Variants in GLDN observed in about 807,000 individuals in gnomAD.
GLDN encodes gliomedin, also known as collomin.
In GLDN, 47 loss-of-function variants were observed where a neutral mutation model predicts 56.5. The observed-to-expected ratio is 0.83, with a 90% CI of 0.66 to 1.06. The LOEUF is 1.06. Ranked by LOEUF, GLDN falls within the 50% of genes least tolerant of loss-of-function variation. GLDN has a pLI of 0.00. For missense variants in GLDN, 782 were observed against 714.3 expected (o/e 1.09, Z -1.08); for synonymous variants, 332 against 278.8 (o/e 1.19, Z -1.90).
chr15:51,400,543 T>C, intron 8 of GLDN, 45 bp downstream of exon 8: 1 of 1,589,456 alleles, frequency 6.3e-7, no homozygotes, highest in Non-Finnish European at 8.6e-7. Flanking sequence ...GGTAACTGTA[T>C]TTTTCATCTG....
At chr15:51,401,053 G>A (rs2043362565) in intron 8 of GLDN, among the ~76,000 whole-genome samples, 1 of 152,142 alleles carries the variant, frequency 6.6e-6, no homozygotes, top group South Asian at 2.1e-4. Context: ...TTAAAGGAGG[G>A]GTCTGGCCAT....
chr15:51,396,728 T>A (rs1013461629), intron 5 of GLDN, among the ~76,000 whole-genome samples: 1 of 152,162 alleles, frequency 6.6e-6, no homozygotes, highest in African/African-American at 2.4e-5. Flanking sequence ...CCTGAATCAG[T>A]TGCCCATCCA....
At chr15:51,368,067 T>G (rs2037441405) in intron 1 of GLDN, among the ~76,000 whole-genome samples, 1 of 152,142 alleles carries the variant, frequency 6.6e-6, no homozygotes, top group African/African-American at 2.4e-5. Flanking sequence ...CATGAGAGAT[T>G]TTCAGTTTCT....
chr15:51,349,378 C>A (rs1347139984), intron 1 of GLDN, among the ~76,000 whole-genome samples: 1 of 152,250 alleles, frequency 6.6e-6, no homozygotes, highest in African/African-American at 2.4e-5. Flanking sequence ...GGTCAGCAAA[C>A]TATGGCCTGT....
chr15:51,355,774 T>C (rs555176035), intron 1 of GLDN, among the ~76,000 whole-genome samples: 107 of 149,676 alleles, frequency 7.1e-4, no homozygotes, highest in African/African-American at 2.2e-3. Flanking sequence ...CTGCCCACCT[T>C]GGCCTCCCAA....
intron 1 of GLDN, among the ~76,000 whole-genome samples, chr15:51,373,764 A>G (rs939080079): frequency 1.3e-5 from 2 of 152,214 alleles, no homozygotes; most frequent in Non-Finnish European, 2.9e-5. Flanking sequence ...GCAGGGCCAC[A>G]ACATGGATGG....
chr15:51,349,144 T>C (rs1444738973), intron 1 of GLDN, among the ~76,000 whole-genome samples: 1 of 152,264 alleles, frequency 6.6e-6, no homozygotes, highest in African/African-American at 2.4e-5. Context: ...AACACATTAT[T>C]ATAGCAAACA....
At chr15:51,384,994 A>C (rs1487290081) in intron 4 of GLDN, 1 of 152,102 alleles carries the variant, frequency 6.6e-6, no homozygotes, top group African/African-American at 2.4e-5. Context: ...ATTGTCGAGC[A>C]CCTCTGACAC....
At chr15:51,369,329 A>G (rs990469556) in intron 1 of GLDN, among the ~76,000 whole-genome samples, 6 of 152,240 alleles carry the variant, frequency 3.9e-5, no homozygotes, top group Non-Finnish European at 5.9e-5. Context: ...CAAAGTATTC[A>G]GTTTTCTAAG....
At chr15:51,356,246 G>A (rs1355027960) in intron 1 of GLDN, among the ~76,000 whole-genome samples, 1 of 151,520 alleles carries the variant, frequency 6.6e-6, no homozygotes, top group Non-Finnish European at 1.5e-5. Context: ...TGGGAAGGCA[G>A]CCCAGCAGGT....
intron 1 of GLDN, among the ~76,000 whole-genome samples, chr15:51,349,736 G>C (rs551128581): frequency 6.7e-6 from 1 of 149,174 alleles, no homozygotes; most frequent in African/African-American, 2.5e-5. Flanking sequence ...AACGGCACTA[G>C]GGCTGATTTT....
intron 1 of GLDN, among the ~76,000 whole-genome samples, chr15:51,348,183 G>A (rs539181369): frequency 9.2e-5 from 14 of 152,282 alleles, no homozygotes; most frequent in Middle Eastern, 3.4e-3. Flanking sequence ...GAGCACGGTA[G>A]GGACTGCACC....
chr15:51,399,218 AAC>A (rs1367526175), intron 6 of GLDN, among the ~76,000 whole-genome samples: 1 of 152,178 alleles, frequency 6.6e-6, no homozygotes, highest in Non-Finnish European at 1.5e-5. Context: ...ACTTCAGGGA[AAC>A]ACAGGCTTAT....
At chr15:51,390,189 G>A (rs546331790) in intron 4 of GLDN, among the ~76,000 whole-genome samples, 46 of 152,328 alleles carry the variant, frequency 3.0e-4, no homozygotes, top group African/African-American at 1.1e-3. Context: ...AATGTTATTA[G>A]GAAGATTAAA....
At chr15:51,374,034 C>G (rs1381248106) in intron 1 of GLDN, among the ~76,000 whole-genome samples, 1 of 152,142 alleles carries the variant, frequency 6.6e-6, no homozygotes, top group African/African-American at 2.4e-5. Context: ...CTTATATACA[C>G]AGCCCAATTT....
chr15:51,399,138 G>A (rs985908432), intron 6 of GLDN, among the ~76,000 whole-genome samples: 33 of 152,068 alleles, frequency 2.2e-4, no homozygotes, highest in African/African-American at 7.7e-4. Context: ...TTGAAACTCC[G>A]GGGGCAGCAG....
chr15:51,408,169 T>C (rs2038423771), downstream of GLDN, among the ~76,000 whole-genome samples: 1 of 152,212 alleles, frequency 6.6e-6, no homozygotes, highest in Admixed American at 6.5e-5. Flanking sequence ...ATTGTTGATA[T>C]GGACTGTCTC....
chr15:51,376,543 T>C (rs1371482801), intron 1 of GLDN, among the ~76,000 whole-genome samples: 2 of 152,188 alleles, frequency 1.3e-5, no homozygotes, highest in South Asian at 2.1e-4. Context: ...TTTTAAAATA[T>C]TTTCTTTCTT....
At chr15:51,342,194 C>T (rs1286313881) in intron 1 of GLDN, 147 bp downstream of exon 1, 27 of 1,015,156 alleles carry the variant, frequency 2.7e-5, no homozygotes, top group Non-Finnish European at 3.5e-5. Flanking sequence ...GGGATGTCAC[C>T]TTGGCAAGCA....
Sources: allele counts gnomAD v4.1 joint callset (sites outside exome capture counted in the v4.1 genomes callset), GRCh38; gene constraint gnomAD v4.1.1; transcripts MANE v1.5; gene names NCBI Gene and HGNC (gene_info 2026-07-23, HGNC 2026-07-21).